Variants in CHRM3 observed in about 807,000 individuals in gnomAD.
CHRM3 encodes the protein cholinergic receptor muscarinic 3.
In CHRM3, 11 loss-of-function variants were observed where a neutral mutation model predicts 41.8. The ratio of observed to expected loss-of-function variants is 0.26; its 90% CI spans 0.17 to 0.44. The LOEUF is 0.44. CHRM3 is among the 20% of genes least tolerant of loss of function. The pLI is 1.00. For synonymous variants in CHRM3, 297 were observed against 301.4 expected, an observed-to-expected ratio of 0.99 and a Z score of 0.15; for missense variants, 571 against 745.4, an observed-to-expected ratio of 0.77 and a Z score of 2.72.
intron 5 of CHRM3, among the ~76,000 whole-genome samples, chr1:239,809,128 T>G (rs1039507439): frequency 6.6e-6 from 1 of 150,644 alleles, no homozygotes; most frequent in Non-Finnish European, 1.5e-5. Context: ...CACACCATTC[T>G]CCTGCCTCAG....
At chr1:239,693,775 C>T (rs952971016) in intron 5 of CHRM3, among the ~76,000 whole-genome samples, 5 of 152,130 alleles carry the variant, frequency 3.3e-5, no homozygotes, top group African/African-American at 1.2e-4. Context: ...TGAAAAGACA[C>T]TTTGGATATG....
intron 5 of CHRM3, among the ~76,000 whole-genome samples, chr1:239,683,046 C>T (rs1431041146): frequency 6.6e-6 from 1 of 152,166 alleles, no homozygotes; most frequent in Non-Finnish European, 1.5e-5. Context: ...TTGTTAACCA[C>T]AGTCACCCTA....
At chr1:239,804,690 C>A (rs12072029) in intron 5 of CHRM3, among the ~76,000 whole-genome samples, 2 of 152,098 alleles carry the variant, frequency 1.3e-5, no homozygotes, top group Non-Finnish European at 2.9e-5. Flanking sequence ...ATCCCCAAAT[C>A]CTGCAACTCG....
At chr1:239,521,590 G>A (rs536956588) in intron 2 of CHRM3, among the ~76,000 whole-genome samples, 25 of 152,090 alleles carry the variant, frequency 1.6e-4, no homozygotes, top group East Asian at 5.8e-4. Context: ...ACAATACTAC[G>A]TGAATTATGC....
intron 4 of CHRM3, among the ~76,000 whole-genome samples, chr1:239,651,670 T>TCAG (rs946792219): frequency 6.6e-6 from 1 of 152,092 alleles, no homozygotes; most frequent in African/African-American, 2.4e-5. Flanking sequence ...GGTCTAAGGA[T>TCAG]CAGCAGCAGC....
chr1:239,611,672 G>A (rs1667081449), intron 3 of CHRM3, among the ~76,000 whole-genome samples: 1 of 151,968 alleles, frequency 6.6e-6, no homozygotes, highest in Non-Finnish European at 1.5e-5. Context: ...GCCCGCCTTG[G>A]CCTCCCAAAG....
chr1:239,841,172 T>C (rs1277883572), intron 6 of CHRM3, among the ~76,000 whole-genome samples: 1 of 152,196 alleles, frequency 6.6e-6, no homozygotes. Context: ...TGAGAATGAC[T>C]TCAAATTTGA....
At chr1:239,467,912 G>A (rs1356003657) in intron 1 of CHRM3, among the ~76,000 whole-genome samples, 1 of 150,380 alleles carries the variant, frequency 6.6e-6, no homozygotes, top group Non-Finnish European at 1.5e-5. Context: ...CCCCCCCAAC[G>A]TTATTCCAAG....
rs76356636 is a variant in CHRM3 at position 239,583,460 on chromosome 1, G to A, written c.-313+37711G>A. On this transcript the variant is annotated intron_variant, in intron 3 of 6. Transcript: ENST00000676153. ...GTGAGAGCTATAAGGCACAATCCAT[G>A]TCTTCAAAGTTTTAGACAATGTAGT... Among the ~76,000 whole-genome samples, 470 of 152,270 alleles carry A rather than the reference G, an allele frequency of 3.1e-3. 4 individuals carry two copies. The highest frequency in any genetic ancestry group is 0.011 in the African/African-American group (448 of 41,548).
chr1:239,546,381 A>T (rs1300765009), intron 3 of CHRM3: 1 of 152,158 alleles, frequency 6.6e-6, no homozygotes, highest in Non-Finnish European at 1.5e-5. Context: ...AGGTCAACAG[A>T]GGTAACGGAT....
chr1:239,858,189 G>A (rs931525406), intron 6 of CHRM3, among the ~76,000 whole-genome samples: 1 of 152,070 alleles, frequency 6.6e-6, no homozygotes, highest in East Asian at 1.9e-4. Context: ...GCTCTCCCAC[G>A]CTGGCATCCT....
chr1:239,654,388 A>G (rs1672520863), intron 4 of CHRM3, among the ~76,000 whole-genome samples: 1 of 152,128 alleles, frequency 6.6e-6, no homozygotes, highest in Non-Finnish European at 1.5e-5. Flanking sequence ...CCTATGATGA[A>G]TAGTCACATA....
rs767472334 is a variant in CHRM3, at chr1:239,776,263, C to G, written c.-146-50989C>G. 1.5e-3 allele frequency among the ~76,000 whole-genome samples: 222 copies of G among 152,228 alleles called. 3 individuals carry two copies. The Middle Eastern group carries it at 0.031, about 21-fold the overall frequency. On this transcript the variant is annotated intron_variant, in intron 5 of 6. Coordinates refer to ENST00000676153, the MANE Select transcript of CHRM3 (RefSeq NM_001375978.1). ...CAGCTTTGTGCCTCAGTTTTCTCAT[C>G]TGTATATGGGGATAATAATACAATA...
At chr1:239,879,302 T>A (rs1023019344) in intron 6 of CHRM3, among the ~76,000 whole-genome samples, 4 of 152,130 alleles carry the variant, frequency 2.6e-5, no homozygotes, top group African/African-American at 9.7e-5. Flanking sequence ...AGCTTGTGCA[T>A]TTCTGTGAGG....
intron 5 of CHRM3, among the ~76,000 whole-genome samples, chr1:239,770,877 A>G (rs1667604596): frequency 6.6e-6 from 1 of 152,152 alleles, no homozygotes; most frequent in South Asian, 2.1e-4. Context: ...ACTTGAGGTC[A>G]GGAGTTTGAG....
At chr1:239,683,792 C>A (rs1449243564) in intron 5 of CHRM3, among the ~76,000 whole-genome samples, 1 of 152,068 alleles carries the variant, frequency 6.6e-6, no homozygotes, top group Non-Finnish European at 1.5e-5. Flanking sequence ...GGATCATTCT[C>A]TTGCCTCTAT....
intron 1 of CHRM3, among the ~76,000 whole-genome samples, chr1:239,480,152 G>T (rs1666738885): frequency 1.3e-5 from 2 of 152,042 alleles, no homozygotes; most frequent in Admixed American, 1.3e-4. Context: ...TATTAAGGCA[G>T]ACAAAAGCTA....
intron 6 of CHRM3, chr1:239,886,448 G>A (rs1047497572): frequency 7.2e-5 from 11 of 152,174 alleles, no homozygotes; most frequent in African/African-American, 2.7e-4. Context: ...CTCAGGGCCA[G>A]CTCTTCTGTC....
chr1:239,455,763 G>T (rs79412300), intron 1 of CHRM3, among the ~76,000 whole-genome samples: 5,074 of 152,120 alleles, frequency 0.033, 286 homozygotes, highest in African/African-American at 0.12. Flanking sequence ...ATAAGCTAAG[G>T]TTAATTTTAT....
Sources: gnomAD v4.1 joint callset for allele counts (sites outside exome capture counted in the v4.1 genomes callset) on GRCh38, gnomAD v4.1.1 for gene constraint, MANE v1.5 for transcripts, NCBI Gene and HGNC (gene_info 2026-07-23, HGNC 2026-07-21) for gene names.